The following DGKB variants were observed in gnomAD, a reference collection of about 807,000 sequenced individuals.
DGKB encodes 90 kDa diacylglycerol kinase.
Under a neutral mutation model 114.3 loss-of-function variants are expected in DGKB, and 67 were observed. The ratio of observed to expected loss-of-function variants is 0.59; its 90% CI spans 0.48 to 0.72. The LOEUF is 0.72. Among genes scored for constraint, DGKB ranks in the 30% least tolerant of loss-of-function variants. The pLI is 0.00. For missense variants in DGKB, 907 were observed against 975.2 expected (o/e 0.93, Z 0.93); for synonymous variants, 398 against 323.1 (o/e 1.23, Z -2.49).
chr7:14,612,717 T>G (rs952870196), intron 16 of DGKB, among the ~76,000 whole-genome samples: 2 of 152,078 alleles, frequency 1.3e-5, no homozygotes, highest in Non-Finnish European at 2.9e-5. Flanking sequence ...CATTTTTGTT[T>G]ATGACTGTCA....
intron 1 of DGKB, among the ~76,000 whole-genome samples, chr7:14,859,349 C>T (rs1315788052): frequency 6.6e-6 from 1 of 152,056 alleles, no homozygotes; most frequent in African/African-American, 2.4e-5. Flanking sequence ...GATTTGATTT[C>T]CCAGTTATAT....
At chr7:14,522,305 G>T (rs1329577812) in intron 20 of DGKB, among the ~76,000 whole-genome samples, 1 of 152,138 alleles carries the variant, frequency 6.6e-6, no homozygotes, top group Non-Finnish European at 1.5e-5. Context: ...GCTTGGGCCT[G>T]TTGTGTTCTC....
At chr7:14,763,904 G>A (rs77582424) in intron 2 of DGKB, among the ~76,000 whole-genome samples, 1 of 151,976 alleles carries the variant, frequency 6.6e-6, no homozygotes, top group Non-Finnish European at 1.5e-5. Context: ...CCCACGTTCA[G>A]TAGAGATATT....
At chr7:14,184,153 A>C (rs1783050077) in intron 23 of DGKB, among the ~76,000 whole-genome samples, 1 of 152,140 alleles carries the variant, frequency 6.6e-6, no homozygotes, top group Non-Finnish European at 1.5e-5. Flanking sequence ...GGAGTCCCCT[A>C]ACTGGCCGTT....
At chr7:14,242,864 C>T (rs1326280072) in intron 23 of DGKB, among the ~76,000 whole-genome samples, 1 of 66,440 alleles carries the variant, frequency 1.5e-5, no homozygotes, top group African/African-American at 9.0e-5. Context: ...TATATGAAGG[C>T]TGTTTTTTTT....
intron 21 of DGKB, among the ~76,000 whole-genome samples, chr7:14,360,913 G>A (rs1035245937): frequency 6.6e-6 from 1 of 151,978 alleles, no homozygotes; most frequent in Non-Finnish European, 1.5e-5. Context: ...CAGTAATTAT[G>A]TAACATTAGA....
chr7:14,822,910 G>A (rs1473625644), intron 2 of DGKB, among the ~76,000 whole-genome samples: 1 of 151,972 alleles, frequency 6.6e-6, no homozygotes, highest in East Asian at 1.9e-4. Flanking sequence ...AGAAATCAGA[G>A]ATGTCTTCAA....
chr7:14,276,054 C>T (rs1208616320), intron 23 of DGKB, among the ~76,000 whole-genome samples: 1 of 152,142 alleles, frequency 6.6e-6, no homozygotes, highest in East Asian at 1.9e-4. Context: ...TATTTGGGGG[C>T]TTTTAATATT....
chr7:14,822,104 G>C (rs1466104391), intron 2 of DGKB, among the ~76,000 whole-genome samples: 3 of 152,160 alleles, frequency 2.0e-5, no homozygotes, highest in Non-Finnish European at 4.4e-5. Flanking sequence ...TAATCGGGCA[G>C]AAAGGGATTA....
At chr7:14,254,009 G>GACTC (rs1795608080) in intron 23 of DGKB, among the ~76,000 whole-genome samples, 2 of 152,194 alleles carry the variant, frequency 1.3e-5, no homozygotes, top group African/African-American at 4.8e-5. Context: ...AAGCTGTTTA[G>GACTC]ACTCAATATT....
chr7:14,471,632 TA>T (rs1389925122), intron 21 of DGKB, among the ~76,000 whole-genome samples: 13 of 151,762 alleles, frequency 8.6e-5, no homozygotes, highest in Admixed American at 8.5e-4. Context: ...TCTTGAAGGT[TA>T]TGTACGTAAA....
intron 22 of DGKB, 122 bp from the exon 23 acceptor site, chr7:14,338,832 A>G: frequency 1.7e-6 from 1 of 603,182 alleles, no homozygotes; most frequent in Non-Finnish European, 2.5e-6. Flanking sequence ...TCATTTCCAA[A>G]CAAGCCTTTC....
intron 2 of DGKB, among the ~76,000 whole-genome samples, chr7:14,780,341 G>A (rs1401494633): frequency 5.9e-5 from 9 of 151,938 alleles, no homozygotes; most frequent in East Asian, 5.8e-4. Flanking sequence ...TAGCATCTTC[G>A]CCCACCCTAA....
At chr7:14,527,305 G>C (rs1310962151) in intron 20 of DGKB, among the ~76,000 whole-genome samples, 1 of 152,112 alleles carries the variant, frequency 6.6e-6, no homozygotes. Flanking sequence ...ATACAGAACA[G>C]AATTGGGAAT....
intron 9 of DGKB, among the ~76,000 whole-genome samples, chr7:14,690,283 T>G (rs1484949570): frequency 1.3e-5 from 2 of 152,198 alleles, no homozygotes; most frequent in Non-Finnish European, 2.9e-5. Flanking sequence ...TTCTCGTTTT[T>G]CCGGAGACAG....
At chr7:14,910,302 GAAAGAAA>G (rs1783932389) in intron 1 of DGKB, among the ~76,000 whole-genome samples, 1 of 112,136 alleles carries the variant, frequency 8.9e-6, no homozygotes, top group Admixed American at 9.5e-5. Flanking sequence ...AAGAAAGAAA[GAAAGAAA>G]GAAAGAACCT....
intron 25 of DGKB, among the ~76,000 whole-genome samples, chr7:14,161,103 C>T (rs1353010625): frequency 7.9e-5 from 12 of 152,158 alleles, no homozygotes; most frequent in Admixed American, 7.9e-4. Flanking sequence ...AAATCAAAAA[C>T]CACAGTGAGA....
intron 13 of DGKB, among the ~76,000 whole-genome samples, chr7:14,661,304 A>C (rs1817018128): frequency 6.8e-6 from 1 of 147,356 alleles, no homozygotes; most frequent in Non-Finnish European, 1.5e-5. Flanking sequence ...CAACCTACTC[A>C]TCTGACAAAG....
intron 23 of DGKB, among the ~76,000 whole-genome samples, chr7:14,252,619 G>A (rs10261697): frequency 3.3e-5 from 5 of 151,980 alleles, no homozygotes; most frequent in African/African-American, 9.7e-5. Context: ...CAGGCGCCAG[G>A]CTCCACAGAA....
Sources: gnomAD v4.1 joint callset for allele counts (sites outside exome capture counted in the v4.1 genomes callset) on GRCh38, gnomAD v4.1.1 for gene constraint, MANE v1.5 for transcripts, NCBI Gene and HGNC (gene_info 2026-07-23, HGNC 2026-07-21) for gene names.